The following CTSB variants were observed in gnomAD, a reference collection of about 807,000 sequenced individuals.
CTSB encodes APP secretase.
CTSB carries 57 observed loss-of-function variants against 44.3 expected under a neutral mutation model. That is an observed-to-expected ratio of 1.29 (90% CI 1.04 to 1.60). CTSB has a LOEUF of 1.60. Among genes scored for constraint, CTSB ranks in the 40% most tolerant of loss-of-function variants. CTSB has a pLI of 0.00. For synonymous variants in CTSB, 320 were observed against 168.0 expected (o/e 1.91, Z -7.00); for missense variants, 768 against 443.0 (o/e 1.73, Z -6.59).
chr8:11,852,865 G>A (rs949373100), intron 2 of CTSB, among the ~76,000 whole-genome samples, 170 bp from the exon 3 acceptor site: 1 of 152,160 alleles, frequency 6.6e-6, no homozygotes, highest in African/African-American at 2.4e-5. Flanking sequence ...GGGCAGAGTG[G>A]GTGTCTCCCC....
intron 7 of CTSB, among the ~76,000 whole-genome samples, 173 bp downstream of exon 7, chr8:11,847,506 A>T (rs1813622557): frequency 6.6e-6 from 1 of 152,184 alleles, no homozygotes; most frequent in Non-Finnish European, 1.5e-5. Flanking sequence ...GAACAGGCAG[A>T]AAGTGGAGAG....
chr8:11,847,193 T>C, intron 7 of CTSB, 25 bp from the exon 8 acceptor site: 2 of 1,489,478 alleles, frequency 1.3e-6, no homozygotes, highest in Non-Finnish European at 1.9e-6. Context: ...GAGCTCGGGG[T>C]TGGGGAGGGC....
At chr8:11,853,063 A>G (rs1814885038) in intron 2 of CTSB, among the ~76,000 whole-genome samples, 1 of 152,100 alleles carries the variant, frequency 6.6e-6, no homozygotes, top group Non-Finnish European at 1.5e-5. Context: ...AACACTTCCG[A>G]AGCTCACTTA....
intron 7 of CTSB, 94 bp from the exon 8 acceptor site, chr8:11,847,262 A>G: frequency 1.2e-6 from 1 of 805,948 alleles, no homozygotes; most frequent in Non-Finnish European, 2.2e-6. Context: ...GGTGGCCTCC[A>G]GGGGAAGACT....
intron 8 of CTSB, among the ~76,000 whole-genome samples, chr8:11,846,731 C>G (rs535892170): frequency 6.6e-6 from 1 of 152,204 alleles, no homozygotes. Flanking sequence ...CGAGGGCAGG[C>G]GTGGCCAGCC....
At chr8:11,845,609 G>C in intron 9 of CTSB, 52 bp downstream of exon 9, 1 of 1,588,210 alleles carries the variant, frequency 6.3e-7, no homozygotes, top group Non-Finnish European at 8.6e-7. Flanking sequence ...AGATGGCCAC[G>C]GGGTGTGGCT....
chr8:11,858,848 C>T (rs1425311850), intron 1 of CTSB, among the ~76,000 whole-genome samples: 1 of 152,226 alleles, frequency 6.6e-6, no homozygotes, highest in Non-Finnish European at 1.5e-5. Flanking sequence ...TTGCATGGGA[C>T]AGCAACCCAT....
At chr8:11,845,346 G>T (rs770546780) in intron 9 of CTSB, 124 bp from the exon 10 acceptor site, 34 of 742,134 alleles carry the variant, frequency 4.6e-5, no homozygotes, top group Non-Finnish European at 7.1e-5. Flanking sequence ...CACTAGCACA[G>T]TCCTCAACAC....
intron 4 of CTSB, 87 bp downstream of exon 4, chr8:11,850,779 G>T: frequency 2.3e-6 from 2 of 883,506 alleles, no homozygotes; most frequent in Non-Finnish European, 3.5e-6. Flanking sequence ...CCTTGTCAGA[G>T]TTGTCCCCAC....
chr8:11,847,504 A>C lies in CTSB; in HGVS notation c.676+175T>G, dbSNP rs1243953936. On this transcript the variant is annotated intron_variant, in intron 7 of 9. Transcript: ENST00000353047. ...AGGCTGAGTTCAGGGTGGAACAGGCAGAAAGTGGAGAGTGTGCTGCTTCTC... is the reference window on the plus strand; with the variant it reads ...AGGCTGAGTTCAGGGTGGAACAGGCCGAAAGTGGAGAGTGTGCTGCTTCTC... 2.6e-5 allele frequency among the ~76,000 whole-genome samples: 4 copies of C among 152,212 alleles called. No homozygotes were observed. The East Asian group carries it at 7.7e-4, about 29-fold the overall frequency.
chr8:11,863,708 C>G (rs1036867596), intron 1 of CTSB, among the ~76,000 whole-genome samples: 32 of 152,114 alleles, frequency 2.1e-4, no homozygotes. Flanking sequence ...ATTTGAATTT[C>G]TGGTCATGAA....
chr8:11,853,412 C>G lies in CTSB; in HGVS notation c.43G>C (p.Ala15Pro), dbSNP rs1814962879. 6.2e-7 allele frequency: 1 copy of G among 1,612,700 alleles called. No individual in the cohort carries two copies. Among genetic ancestry groups the G allele is most frequent in the East Asian group, 2.2e-5 (1 of 44,826 alleles). Residue 15 changes from alanine to proline, a missense_variant, in exon 2 of 10, where the codon GCC becomes CCC. By Grantham distance (27) the Ala-to-Pro change is conservative (BLOSUM62 -1). Coordinates refer to ENST00000353047, the MANE Select transcript of CTSB (RefSeq NM_001908.5). ...WASLCCLLVLANARSRPSFHP... is the reference protein window; with the variant it reads ...WASLCCLLVLPNARSRPSFHP... Reference sequence around the variant, plus strand: ...AAAGAGGGCCTGCTCCGGGCATTGGCCAACACCAGCAGGCAGCAGAGGGAG... The same window carrying G: ...AAAGAGGGCCTGCTCCGGGCATTGGGCAACACCAGCAGGCAGCAGAGGGAG...
intron 9 of CTSB, among the ~76,000 whole-genome samples, chr8:11,845,450 A>T (rs893666379): frequency 1.3e-5 from 2 of 152,190 alleles, no homozygotes; most frequent in African/African-American, 4.8e-5. Flanking sequence ...ATGCTGTGGG[A>T]ACTGTTGCAG....
intron 1 of CTSB, among the ~76,000 whole-genome samples, chr8:11,858,889 C>G (rs894362146): frequency 2.0e-5 from 3 of 152,170 alleles, no homozygotes; most frequent in Non-Finnish European, 4.4e-5. Context: ...GCACCCACTT[C>G]CCTTTTATTT....
rs569075484 is a variant in CTSB at position 11,845,398 on chromosome 8, G to A, written c.923-176C>T. On this transcript the variant is annotated intron_variant, in intron 9 of 9. Transcript: ENST00000353047. ...CCGTGGGGCACACCTCCACGGGCAA[G>A]CCCCCTGCCCGGTCACCCTTCCCAT... 1.7e-4 allele frequency among the ~76,000 whole-genome samples: 26 copies of A among 152,314 alleles called. No individual in the cohort carries two copies. The East Asian group carries it at 5.0e-3, about 29-fold the overall frequency.
chr8:11,849,362 T>A, intron 4 of CTSB, 198 bp from the exon 5 acceptor site: 1 of 424,710 alleles, frequency 2.4e-6, no homozygotes, highest in Non-Finnish European at 4.5e-6. Context: ...GCCAGACTGG[T>A]CTTGAACTCC....
chr8:11,862,931 G>C lies in CTSB; in HGVS notation c.-26+5070C>G, dbSNP rs75558056. 2.3e-3 allele frequency among the ~76,000 whole-genome samples: 350 copies of C among 152,298 alleles called. 2 individuals carry two copies. The highest frequency in any genetic ancestry group is 7.6e-3 in the African/African-American group (314 of 41,564). On this transcript the variant is annotated intron_variant, in intron 1 of 9. Transcript: ENST00000353047. The stretch of plus-strand genomic sequence containing the variant: ...TGATGCTAGATTATCTTGATGACCA[G>C]ACCAAAGAAGTTACTGGCCTGGTAA...
In CTSB at chr8:11,845,629, C is replaced by G. The variant is rs569015563; in HGVS notation, c.922+32G>C. The G allele has an allele frequency of 2.0e-5, 32 of 1,603,998 alleles. No homozygotes were observed. The African/African-American group carries it at 4.1e-4, about 21-fold the overall frequency. On this transcript the variant is annotated intron_variant, in intron 9 of 9. Coordinates refer to ENST00000353047, the MANE Select transcript of CTSB (RefSeq NM_001908.5). ...GCCACGGGGTGTGGCTCACAATTCACTGTTCTTGGCAGGAAGGGGGCAGCC... is the reference window on the plus strand; with the variant it reads ...GCCACGGGGTGTGGCTCACAATTCAGTGTTCTTGGCAGGAAGGGGGCAGCC...
At chr8:11,846,496 T>G (rs866851807) in intron 8 of CTSB, 3 of 152,606 alleles carry the variant, frequency 2.0e-5, no homozygotes, top group South Asian at 2.1e-4. Context: ...GAGCAAGGGA[T>G]TTCTAAGACA....
Sources: gnomAD v4.1 joint callset for allele counts (sites outside exome capture counted in the v4.1 genomes callset) on GRCh38, gnomAD v4.1.1 for gene constraint, MANE v1.5 for transcripts, NCBI Gene and HGNC (gene_info 2026-07-23, HGNC 2026-07-21) for gene names.